Variants in PTPRM observed in about 807,000 individuals in gnomAD.
PTPRM encodes protein tyrosine phosphatase receptor type M, also known as receptor-type tyrosine-protein phosphatase mu.
In PTPRM, 47 loss-of-function variants were observed where a neutral mutation model predicts 186.7. The observed-to-expected ratio is 0.25, with a 90% confidence interval of 0.20 to 0.32. PTPRM has a LOEUF of 0.32. PTPRM is among the 10% of genes least tolerant of loss of function. The pLI, the probability that PTPRM is intolerant of heterozygous loss-of-function variation, is 1.00. For missense variants in PTPRM, 1,494 were observed against 1,865.0 expected, an observed-to-expected ratio of 0.80 and a Z score of 3.66; for synonymous variants, 668 against 674.9, an observed-to-expected ratio of 0.99 and a Z score of 0.16.
intron 1 of PTPRM, chr18:7,741,526 T>A (rs770602411): frequency 5.3e-5 from 8 of 152,230 alleles, no homozygotes; most frequent in Non-Finnish European, 1.0e-4. Flanking sequence ...ACTTTGTATT[T>A]GTTGGTCACT....
At chr18:8,219,341 C>G (rs2094127628) in intron 14 of PTPRM, among the ~76,000 whole-genome samples, 1 of 152,046 alleles carries the variant, frequency 6.6e-6, no homozygotes, top group East Asian at 1.9e-4. Context: ...GTGGAGGACG[C>G]CTGTAGTCCC....
chr18:7,954,980 T>A lies in PTPRM; in HGVS notation c.839-141T>A, dbSNP rs2053217883. Reference sequence around the variant, plus strand: ...AAATCTTTTTCAACATACTTTTTCTTGTTAACCCAAACAAAATTTTTCTCA... The same window carrying A: ...AAATCTTTTTCAACATACTTTTTCTAGTTAACCCAAACAAAATTTTTCTCA... On this transcript the variant is annotated intron_variant, in intron 6 of 32. Transcript: ENST00000580170. The A allele has an allele frequency of 1.1e-5, 9 of 829,012 alleles. No homozygotes were observed. In the South Asian group the frequency reaches 1.9e-4, roughly 17 times the overall value. The allele number at this position is 829,012 out of a possible 1,614,324, so 51.4% of individuals were successfully genotyped here. A position where few individuals can be genotyped will look rare whatever the true frequency, so the allele number is the denominator to read the frequency against.
intron 1 of PTPRM, among the ~76,000 whole-genome samples, chr18:7,575,412 T>C (rs2036664623): frequency 6.6e-6 from 1 of 152,178 alleles, no homozygotes; most frequent in Non-Finnish European, 1.5e-5. Flanking sequence ...TTTCATCCGC[T>C]TACGTGTGCA....
At chr18:8,029,758 G>A (rs1050537046) in intron 7 of PTPRM, among the ~76,000 whole-genome samples, 1 of 152,150 alleles carries the variant, frequency 6.6e-6, no homozygotes, top group Non-Finnish European at 1.5e-5. Context: ...TCCTGCATCA[G>A]TATAGTGCCT....
intron 14 of PTPRM, among the ~76,000 whole-genome samples, chr18:8,145,635 C>G (rs932804833): frequency 2.6e-5 from 4 of 152,210 alleles, no homozygotes; most frequent in African/African-American, 9.7e-5. Flanking sequence ...ATCCATGTCC[C>G]TGCAGAGGAC....
At chr18:7,723,242 G>A (rs2040482801) in intron 1 of PTPRM, among the ~76,000 whole-genome samples, 1 of 152,274 alleles carries the variant, frequency 6.6e-6, no homozygotes, top group African/African-American at 2.4e-5. Flanking sequence ...AGCGCTGCTG[G>A]TATTTTCTTT....
intron 13 of PTPRM, among the ~76,000 whole-genome samples, chr18:8,138,762 C>T (rs1258363770): frequency 6.6e-6 from 1 of 152,158 alleles, no homozygotes; most frequent in African/African-American, 2.4e-5. Flanking sequence ...CAGGCAGCTC[C>T]TTTCCCTCCC....
chr18:8,382,668 T>C (rs1293467649), intron 29 of PTPRM, among the ~76,000 whole-genome samples: 1 of 152,240 alleles, frequency 6.6e-6, no homozygotes, highest in Non-Finnish European at 1.5e-5. Context: ...TACCCTACTT[T>C]CATTCTTACT....
chr18:8,299,107 C>T (rs1038450832), intron 20 of PTPRM, among the ~76,000 whole-genome samples: 1 of 152,116 alleles, frequency 6.6e-6, no homozygotes, highest in African/African-American at 2.4e-5. Context: ...AGCAGGTTTT[C>T]TCCTTTAAAC....
intron 13 of PTPRM, among the ~76,000 whole-genome samples, chr18:8,140,863 G>A (rs983100327): frequency 6.6e-6 from 1 of 152,090 alleles, no homozygotes; most frequent in African/African-American, 2.4e-5. Context: ...AACCTGGCAA[G>A]AAAATAACAA....
At chr18:7,817,473 C>T (rs1033891902) in intron 2 of PTPRM, among the ~76,000 whole-genome samples, 2 of 152,186 alleles carry the variant, frequency 1.3e-5, no homozygotes, top group African/African-American at 4.8e-5. Context: ...TATTGTACTA[C>T]TCCTGCTCTT....
chr18:8,281,961 T>A (rs2094908503), intron 19 of PTPRM, among the ~76,000 whole-genome samples: 1 of 152,074 alleles, frequency 6.6e-6, no homozygotes, highest in African/African-American at 2.4e-5. Context: ...TAGACTTCAT[T>A]AAAATTTAAA....
chr18:7,842,930 G>GTGTGTATATATATATATA (rs377182615), intron 2 of PTPRM, among the ~76,000 whole-genome samples: 9 of 100,942 alleles, frequency 8.9e-5, no homozygotes, highest in African/African-American at 2.0e-4. Flanking sequence ...GTGTGTGTGT[G>GTGTGTATATATATATATA]TATATATATA....
intron 2 of PTPRM, among the ~76,000 whole-genome samples, chr18:7,779,551 A>G (rs1391355259): frequency 2.0e-5 from 3 of 152,232 alleles, no homozygotes; most frequent in Admixed American, 2.0e-4. Context: ...TGACAGACAA[A>G]GTAATTGAAG....
intron 13 of PTPRM, among the ~76,000 whole-genome samples, chr18:8,127,079 A>G (rs1383677372): frequency 2.0e-5 from 3 of 152,144 alleles, no homozygotes; most frequent in Admixed American, 2.0e-4. Context: ...GCCACACTAG[A>G]AACATTGGAG....
intron 1 of PTPRM, among the ~76,000 whole-genome samples, chr18:7,740,192 C>G (rs2040859120): frequency 6.6e-6 from 1 of 152,296 alleles, no homozygotes; most frequent in South Asian, 2.1e-4. Flanking sequence ...CCCTACCCCT[C>G]AGCTCCAAGC....
intron 19 of PTPRM, among the ~76,000 whole-genome samples, chr18:8,253,701 T>G (rs9807436): frequency 0.47 from 71,432 of 151,930 alleles, 16,971 homozygotes; most frequent in Admixed American, 0.56. Flanking sequence ...TTTTCAATCC[T>G]CATTTGATTG....
intron 13 of PTPRM, among the ~76,000 whole-genome samples, chr18:8,123,978 G>A (rs1010839521): frequency 2.0e-5 from 3 of 152,330 alleles, no homozygotes; most frequent in Middle Eastern, 6.8e-3. Context: ...TAGGAATGAA[G>A]TAAGCGAGGC....
intron 14 of PTPRM, among the ~76,000 whole-genome samples, chr18:8,173,477 A>C (rs1286401143): frequency 6.6e-6 from 1 of 152,212 alleles, no homozygotes; most frequent in Admixed American, 6.5e-5. Context: ...ATGACTTTGG[A>C]AGTAAACTCG....
Sources: allele counts gnomAD v4.1 joint callset (sites outside exome capture counted in the v4.1 genomes callset), GRCh38; gene constraint gnomAD v4.1.1; transcripts MANE v1.5; gene names NCBI Gene and HGNC (gene_info 2026-07-23, HGNC 2026-07-21).